Variants in CHD2 observed in about 807,000 individuals in gnomAD.
CHD2 encodes the protein ATP-dependent chromatin remodeler CHD2.
A neutral mutation model predicts 243.9 loss-of-function variants in CHD2; 28 were observed. The observed-to-expected ratio is 0.11, with a 90% confidence interval of 0.09 to 0.16. The LOEUF is 0.16. CHD2 is among the 10% of genes least tolerant of loss of function. The probability of loss-of-function intolerance (pLI) is 1.00; values close to 1 mark genes in which losing one functional copy is unlikely to be tolerated. For missense variants in CHD2, 1,386 were observed against 2,209.8 expected, an observed-to-expected ratio of 0.63 and a Z score of 7.47; for synonymous variants, 775 against 779.0, an observed-to-expected ratio of 0.99 and a Z score of 0.09.
At chr15:92,951,515 A>C (rs1426748371) in intron 13 of CHD2, among the ~76,000 whole-genome samples, 1 of 152,184 alleles carries the variant, frequency 6.6e-6, no homozygotes, top group African/African-American at 2.4e-5. Flanking sequence ...TCAGTTGAAA[A>C]GGGCTCAAGC....
At chr15:92,987,590 A>G (rs555327630) in intron 26 of CHD2, among the ~76,000 whole-genome samples, 3 of 150,672 alleles carry the variant, frequency 2.0e-5, no homozygotes, top group Non-Finnish European at 4.4e-5. Flanking sequence ...CCTGGGTGAC[A>G]GAGCAAAACT....
intron 26 of CHD2, among the ~76,000 whole-genome samples, chr15:92,988,152 G>C (rs2054069264): frequency 6.6e-6 from 1 of 150,816 alleles, no homozygotes; most frequent in Non-Finnish European, 1.5e-5. Flanking sequence ...GTGCAATCTC[G>C]GCCCACTGCA....
chr15:92,903,257 C>G (rs767115322), intron 2 of CHD2, among the ~76,000 whole-genome samples: 21 of 152,008 alleles, frequency 1.4e-4, no homozygotes, highest in Admixed American at 7.2e-4. Flanking sequence ...CTGAACTGTC[C>G]CTGTAATTAG....
chr15:92,987,495 G>A, intron 26 of CHD2, among the ~76,000 whole-genome samples: 1 of 151,824 alleles, frequency 6.6e-6, no homozygotes, highest in East Asian at 1.9e-4. Flanking sequence ...CAGGTACTTG[G>A]GAGGCTGAGG....
At chr15:92,939,461 C>A in intron 6 of CHD2, 117 bp from the exon 7 acceptor site, 1 of 1,071,678 alleles carries the variant, frequency 9.3e-7, no homozygotes. Flanking sequence ...TTAACATTCC[C>A]CAAGTGAAAT....
rs147067136 is a variant in CHD2, at chr15:93,000,873, T to C, written c.4137+233T>C. Reference sequence around the variant, plus strand: ...ATGACATTTTTGTTGTTGTTGTTTGTTTGTTTGTTTTTGAGATGAAGTCTC... The same window carrying C: ...ATGACATTTTTGTTGTTGTTGTTTGCTTGTTTGTTTTTGAGATGAAGTCTC... On this transcript the variant is annotated intron_variant, in intron 32 of 38. Coordinates refer to ENST00000394196, the MANE Select transcript of CHD2 (RefSeq NM_001271.4). 1.9e-3 allele frequency among the ~76,000 whole-genome samples: 293 copies of C among 152,256 alleles called. 2 individuals are homozygous for C. The highest frequency in any genetic ancestry group is 6.6e-3 in the African/African-American group (276 of 41,560).
chr15:92,913,220 G>A (rs766718900), intron 2 of CHD2, among the ~76,000 whole-genome samples: 4 of 152,138 alleles, frequency 2.6e-5, no homozygotes, highest in Non-Finnish European at 4.4e-5. Context: ...AGTGTGGGAC[G>A]GGGTTTCGAT....
At chr15:93,019,823 A>G (rs1406003304) in intron 37 of CHD2, among the ~76,000 whole-genome samples, 189 bp from the exon 38 acceptor site, 2 of 151,994 alleles carry the variant, frequency 1.3e-5, no homozygotes, top group African/African-American at 2.4e-5. Flanking sequence ...AGTCCCATCT[A>G]CTTGGGAGGC....
intron 36 of CHD2, among the ~76,000 whole-genome samples, chr15:93,013,649 A>C (rs1007850401): frequency 6.6e-6 from 1 of 152,150 alleles, no homozygotes; most frequent in African/African-American, 2.4e-5. Context: ...AATACATTCA[A>C]TGTGGCTAGG....
intron 16 of CHD2, among the ~76,000 whole-genome samples, chr15:92,965,842 A>C (rs992853261): frequency 1.3e-5 from 2 of 152,114 alleles, no homozygotes; most frequent in Non-Finnish European, 2.9e-5. Flanking sequence ...TAAATCTTGG[A>C]AATAAACTTT....
intron 26 of CHD2, among the ~76,000 whole-genome samples, chr15:92,986,303 C>CT (rs987714240): frequency 1.3e-4 from 19 of 148,488 alleles, no homozygotes; most frequent in African/African-American, 3.5e-4. Flanking sequence ...CAGTTTCCAT[C>CT]TTTTTTTTTT....
At chr15:92,959,165 C>T (rs1163112575) in intron 16 of CHD2, among the ~76,000 whole-genome samples, 1 of 152,174 alleles carries the variant, frequency 6.6e-6, no homozygotes, top group Non-Finnish European at 1.5e-5. Flanking sequence ...ATTTGCCTAA[C>T]CTATGGACAC....
chr15:92,968,706 A>G (rs1315783622), intron 17 of CHD2, among the ~76,000 whole-genome samples: 1 of 152,252 alleles, frequency 6.6e-6, no homozygotes, highest in Non-Finnish European at 1.5e-5. Flanking sequence ...GCCATTTTCA[A>G]AGGAAAAGAT....
chr15:93,014,742 G>A lies in CHD2; in HGVS notation c.4739G>A (p.Arg1580His). The change falls in exon 37 of 39, where the codon CGT (arginine) becomes CAT (histidine). Residue 1580 changes from arginine (R) to histidine (H), a missense_variant. Around this residue, in one of 19 missense-constraint regions of CHD2, gnomAD observed 347 missense variants for 341.6 expected, o/e 1.02. Transcript: ENST00000394196. ...DDVTGGKKPFRPEASGSSRDS... is the reference protein window; with the variant it reads ...DDVTGGKKPFHPEASGSSRDS... ...GTGACTGGGGGTAAGAAACCATTTC[G>A]TCCAGAGGCCTCAGGCTCCAGCCGG... 5.0e-6 allele frequency: 8 copies of A among 1,614,058 alleles called. No individual in the cohort carries two copies. Among genetic ancestry groups the A allele is most frequent in the South Asian group, 1.1e-5 (1 of 91,078 alleles).
chr15:92,998,863 C>T lies in CHD2; in HGVS notation c.4008+242C>T, dbSNP rs1406508614. Among the ~76,000 whole-genome samples the T allele has an allele frequency of 2.0e-5, 3 of 151,938 alleles. No homozygotes were observed. Among genetic ancestry groups the T allele is most frequent in the Non-Finnish European group, 4.4e-5 (3 of 67,972 alleles). ...CTTTGGGAGGCTGAGGCGGGCGGAT[C>T]ACAAGGTCAGGAGATTGAGACCATC... On this transcript the variant is annotated intron_variant, in intron 31 of 38. Coordinates refer to ENST00000394196, the MANE Select transcript of CHD2 (RefSeq NM_001271.4). The surrounding 1 kb of genome is among the most constrained non-coding windows in gnomAD (Gnocchi z 5.1).
chr15:92,952,410 A>T (rs1236402149), intron 13 of CHD2, among the ~76,000 whole-genome samples: 1 of 152,172 alleles, frequency 6.6e-6, no homozygotes. Context: ...ACATTATACT[A>T]TATAATGTAG....
At chr15:92,960,132 T>A (rs900771000) in intron 16 of CHD2, among the ~76,000 whole-genome samples, 1 of 152,214 alleles carries the variant, frequency 6.6e-6, no homozygotes. Context: ...GTGGAATTTT[T>A]AAAAATATAA....
chr15:93,009,493 A>G lies in CHD2; in HGVS notation c.4592+170A>G, dbSNP rs1596455118. 12 of 605,666 alleles carry G rather than the reference A, an allele frequency of 2.0e-5. No individual in the cohort carries two copies. The East Asian group carries it at 2.8e-4, about 14-fold the overall frequency. The allele number at this position is 605,666 out of a possible 1,614,324, so 37.5% of individuals were successfully genotyped here. On this transcript the variant is annotated intron_variant, in intron 35 of 38. Coordinates refer to ENST00000394196, the MANE Select transcript of CHD2 (RefSeq NM_001271.4). ...TAACTCCCTTTCCATGAAATAGGCC[A>G]TTCCACTGAGACCAGCCTTTTGAAG...
At position 92,907,807 on chromosome 15, in the gene CHD2, A is replaced by T. The variant is rs142740322; in HGVS notation, c.62+6508A>T. On this transcript the variant is annotated intron_variant, in intron 2 of 38. Coordinates refer to ENST00000394196, the MANE Select transcript of CHD2 (RefSeq NM_001271.4). ...TTATTCTTACTGTTTGTTTCATCTT[A>T]CTTTCTTGCACCCCTCCTTCATATC... 3.2e-3 allele frequency among the ~76,000 whole-genome samples: 486 copies of T among 152,174 alleles called. 5 individuals carry two copies. The highest frequency in any genetic ancestry group is 0.011 in the African/African-American group (451 of 41,486).
Sources: gnomAD v4.1 joint callset for allele counts (sites outside exome capture counted in the v4.1 genomes callset) on GRCh38, gnomAD v4.1.1 for gene constraint, gnomAD v4.1.1 regional missense constraint, Gnocchi (gnomAD v3.1) non-coding constraint, MANE v1.5 for transcripts, NCBI Gene and HGNC (gene_info 2026-07-23, HGNC 2026-07-21) for gene names.